The following OSBPL8 variants were observed in gnomAD, a reference collection of about 807,000 sequenced individuals.
OSBPL8 encodes oxysterol-binding protein-related protein 8.
OSBPL8 carries 59 observed loss-of-function variants against 125.5 expected under a neutral mutation model. The observed-to-expected ratio is 0.47, with a 90% confidence interval of 0.38 to 0.58. The LOEUF (loss-of-function observed/expected upper bound fraction) is 0.58. Among genes scored for constraint, OSBPL8 ranks in the 20% least tolerant of loss-of-function variants. The pLI, the probability that OSBPL8 is intolerant of heterozygous loss-of-function variation, is 0.00. For synonymous variants in OSBPL8, 330 were observed against 338.9 expected, an observed-to-expected ratio of 0.97 and a Z score of 0.29; for missense variants, 758 against 1,047.8, an observed-to-expected ratio of 0.72 and a Z score of 3.82.
intron 1 of OSBPL8, among the ~76,000 whole-genome samples, chr12:76,535,441 T>G (rs1457708835): frequency 6.6e-6 from 1 of 152,180 alleles, no homozygotes; most frequent in Non-Finnish European, 1.5e-5. Flanking sequence ...TTAATTAAAT[T>G]TTTTTAACTG....
intron 4 of OSBPL8, chr12:76,423,274 C>T (rs779102800): frequency 6.6e-6 from 1 of 152,156 alleles, no homozygotes; most frequent in Admixed American, 6.6e-5. Context: ...ACAGTTAAAG[C>T]AGAGAATAAA....
At chr12:76,557,944 A>T (rs1951158668) in intron 1 of OSBPL8, among the ~76,000 whole-genome samples, 1 of 152,218 alleles carries the variant, frequency 6.6e-6, no homozygotes, top group Non-Finnish European at 1.5e-5. Context: ...GCCATTTTTA[A>T]TTAAACAGGC....
At chr12:76,356,171 G>GGGGGA in intron 23 of OSBPL8, 150 bp from the exon 24 acceptor site, 2 of 309,750 alleles carry the variant, frequency 6.5e-6, no homozygotes, top group Non-Finnish European at 5.9e-6. Context: ...GTGGGGGGGG[G>GGGGGA]CGGGGTCTGG....
chr12:76,499,738 C>T (rs1879702156), intron 1 of OSBPL8, among the ~76,000 whole-genome samples: 1 of 152,026 alleles, frequency 6.6e-6, no homozygotes, highest in East Asian at 1.9e-4. Flanking sequence ...GCTGTAATCC[C>T]AGCTACTCGG....
intron 10 of OSBPL8, 23 bp from the exon 11 acceptor site, chr12:76,390,680 AG>A (rs1953521877): frequency 1.4e-6 from 2 of 1,429,218 alleles, no homozygotes; most frequent in African/African-American, 2.8e-5. Context: ...AATTTTTAGG[AG>A]GAAGAATCAA....
At chr12:76,406,871 C>T (rs1470706083) in intron 5 of OSBPL8, among the ~76,000 whole-genome samples, 1 of 152,078 alleles carries the variant, frequency 6.6e-6, no homozygotes, top group Non-Finnish European at 1.5e-5. Context: ...CCTCAGCCTC[C>T]CAAAATGCTG....
chr12:76,513,864 T>C (rs1054192093), intron 1 of OSBPL8, among the ~76,000 whole-genome samples: 1 of 151,432 alleles, frequency 6.6e-6, no homozygotes, highest in Non-Finnish European at 1.5e-5. Flanking sequence ...AGCATAGCAC[T>C]GGGTCTTGCT....
intron 1 of OSBPL8, among the ~76,000 whole-genome samples, chr12:76,507,963 G>C (rs1253076670): frequency 6.6e-6 from 1 of 151,976 alleles, no homozygotes; most frequent in African/African-American, 2.4e-5. Context: ...CTGAGATCAG[G>C]AGTTTGAGAT....
chr12:76,373,200 C>T (rs1952685023), intron 18 of OSBPL8, 144 bp downstream of exon 18: 1 of 525,298 alleles, frequency 1.9e-6, no homozygotes, highest in South Asian at 3.6e-5. Context: ...TAACAGAACA[C>T]CACCAAAATA....
At chr12:76,460,145 G>T (rs950790936) in intron 2 of OSBPL8, among the ~76,000 whole-genome samples, 2 of 152,130 alleles carry the variant, frequency 1.3e-5, no homozygotes, top group Admixed American at 6.5e-5. Context: ...AATGAAGGTG[G>T]TAAGAGAAAA....
At position 76,375,387 on chromosome 12, in the gene OSBPL8, T is replaced by C. The variant is rs1255388981; in HGVS notation, c.1730-17A>G. On this transcript the variant is annotated splice_polypyrimidine_tract_variant and intron_variant, in intron 16 of 23. Coordinates refer to ENST00000261183, the MANE Select transcript of OSBPL8 (RefSeq NM_020841.5). ...AAAGAATTCCTAAAGGAAAAAGATT[T>C]GACAAAAAATTGAAAAGAGTATAGT... 6.3e-7 allele frequency: 1 copy of C among 1,575,110 alleles called. No individual in the cohort carries two copies. The highest frequency in any genetic ancestry group is 8.7e-7 in the Non-Finnish European group (1 of 1,147,224).
chr12:76,549,069 A>AC (rs1950865508), intron 1 of OSBPL8, among the ~76,000 whole-genome samples: 2 of 152,102 alleles, frequency 1.3e-5, no homozygotes, highest in Admixed American at 1.3e-4. Flanking sequence ...CTTACAGATT[A>AC]CCCCCAGGAA....
intron 4 of OSBPL8, among the ~76,000 whole-genome samples, chr12:76,423,517 T>TA (rs920719127): frequency 6.6e-6 from 1 of 152,098 alleles, no homozygotes; most frequent in Non-Finnish European, 1.5e-5. Flanking sequence ...CTTTCCTGCT[T>TA]AAAAAAAATT....
intron 2 of OSBPL8, among the ~76,000 whole-genome samples, chr12:76,460,242 T>C (rs573844630): frequency 6.6e-6 from 1 of 152,274 alleles, no homozygotes; most frequent in African/African-American, 2.4e-5. Flanking sequence ...AGGTAAAAAT[T>C]ACATAGAAAT....
chr12:76,363,356 C>G (rs1163066653), intron 21 of OSBPL8, among the ~76,000 whole-genome samples: 3 of 152,174 alleles, frequency 2.0e-5, no homozygotes, highest in Non-Finnish European at 4.4e-5. Context: ...AATAACGCCA[C>G]ACATCTACAA....
intron 8 of OSBPL8, among the ~76,000 whole-genome samples, chr12:76,396,568 A>C (rs1233260011): frequency 6.6e-6 from 1 of 152,100 alleles, no homozygotes; most frequent in Non-Finnish European, 1.5e-5. Context: ...TGGGCAACAC[A>C]GAAAGACCCC....
intron 17 of OSBPL8, 43 bp downstream of exon 17, chr12:76,375,230 G>T: frequency 7.7e-7 from 1 of 1,293,948 alleles, no homozygotes; most frequent in Non-Finnish European, 1.1e-6. Context: ...TTATTGTATG[G>T]CTCTCCTTTA....
intron 4 of OSBPL8, among the ~76,000 whole-genome samples, chr12:76,419,600 A>T (rs1869212126): frequency 1.3e-5 from 2 of 152,220 alleles, no homozygotes; most frequent in Admixed American, 1.3e-4. Context: ...TAAAGTACTT[A>T]AGACTGAAGC....
chr12:76,392,566 G>C lies in OSBPL8; in HGVS notation c.929+15C>G, dbSNP rs771987253. 3.8e-6 allele frequency: 6 copies of C among 1,592,882 alleles called. No individual in the cohort carries two copies. In the South Asian group the frequency reaches 5.6e-5, roughly 15 times the overall value. ...TCTCTGAAACATTACCAACTCAGCG[G>C]CAGTATCTACTTACTGGAAGTTATC... On this transcript the variant is annotated intron_variant, in intron 10 of 23. Transcript: ENST00000261183.
Sources: gnomAD v4.1 joint callset for allele counts (sites outside exome capture counted in the v4.1 genomes callset) on GRCh38, gnomAD v4.1.1 for gene constraint, MANE v1.5 for transcripts, NCBI Gene and HGNC (gene_info 2026-07-23, HGNC 2026-07-21) for gene names.